RYR1: variants seen among roughly 807,000 people sequenced by gnomAD.
The protein encoded by RYR1 is central core disease of muscle.
A neutral mutation model predicts 583.5 loss-of-function variants in RYR1; 342 were observed. That is an observed-to-expected ratio of 0.59 (90% CI 0.54 to 0.64). The LOEUF is 0.64. Among genes scored for constraint, RYR1 ranks in the 30% least tolerant of loss-of-function variants. The pLI, the probability that RYR1 is intolerant of heterozygous loss-of-function variation, is 0.00. For synonymous variants in RYR1, 2,791 were observed against 2,822.5 expected (o/e 0.99, Z 0.35); for missense variants, 6,032 against 6,917.2 (o/e 0.87, Z 4.54).
At position 38,525,369 on chromosome 19, in the gene RYR1, G is replaced by A. The variant is rs529215921; in HGVS notation, c.10493G>A (p.Arg3498His). The A allele has an allele frequency of 2.9e-5, 47 of 1,613,844 alleles. No individual in the cohort carries two copies. The highest frequency in any genetic ancestry group is 9.4e-5 in the African/African-American group (7 of 74,836). ...GSDQERTKKK[R>H]RGDRYSVQTS... is the part of the protein sequence containing the mutation. ...GACCAGGAACGCACCAAGAAGAAGC[G>A]CCGGGGGGACCGGTACTCTGTGCAG... Residue 3498 changes from arginine (R) to histidine (H), a missense_variant, in exon 71 of 106, where the codon CGC becomes CAC. Around this residue, in one of 11 missense-constraint regions of RYR1, gnomAD observed 1,493 missense variants for 1,715.5 expected, o/e 0.87. Transcript: ENST00000359596.
In RYR1 at chr19:38,543,842, C is replaced by A; in HGVS notation, c.11979C>A (p.His3993Gln). The A allele has an allele frequency of 6.2e-7, 1 of 1,613,838 alleles. No homozygotes were observed. Among genetic ancestry groups the A allele is most frequent in the Non-Finnish European group, 8.5e-7 (1 of 1,180,014 alleles). ...GGGACGCAGTGGTGGGATTCCTGCA[C>A]GTGTTCGCCCACATGATGATGAAGC... ...RLWDAVVGFL[H>Q]VFAHMMMKLA... The change falls in exon 87 of 106, where the codon CAC (histidine) becomes CAA (glutamine). Residue 3993 changes from histidine to glutamine, a missense_variant. His to Gln is a conservative substitution (Grantham distance 24). Coordinates refer to ENST00000359596, the MANE Select transcript of RYR1 (RefSeq NM_000540.3). The surrounding 1 kb of genome is among the most constrained non-coding windows in gnomAD (Gnocchi z 4.4).
chr19:38,575,981 C>G lies in RYR1; in HGVS notation c.14172+20C>G. On this transcript the variant is annotated intron_variant, in intron 97 of 105. Coordinates refer to ENST00000359596, the MANE Select transcript of RYR1 (RefSeq NM_000540.3). ...CGCAAGGTGAGAGGACATGGATGCC[C>G]TGGGTCCTGGATTGGGTCCCTGCCT... The G allele has an allele frequency of 6.2e-7, 1 of 1,614,168 alleles. No homozygotes were observed.
At chr19:38,442,945 G>C (rs115367056) in intron 3 of RYR1, among the ~76,000 whole-genome samples, 1,728 of 152,266 alleles carry the variant, frequency 0.011, 30 homozygotes, top group African/African-American at 0.037. Context: ...GGTCCACCAT[G>C]TGATCACCTG....
intron 35 of RYR1, 123 bp downstream of exon 35, chr19:38,489,566 T>A: frequency 1.0e-6 from 1 of 993,704 alleles, no homozygotes; most frequent in Non-Finnish European, 1.6e-6. Flanking sequence ...CATATGGCAG[T>A]GAGCAATGCC....
At chr19:38,534,902 C>T (rs1307065197) in intron 79 of RYR1, 83 bp downstream of exon 79, 1 of 1,431,192 alleles carries the variant, frequency 7.0e-7, no homozygotes, top group Non-Finnish European at 9.6e-7. Flanking sequence ...CCCTGTGGAC[C>T]CATTTGCCGC....
chr19:38,486,631 G>A (rs773825930), intron 34 of RYR1, among the ~76,000 whole-genome samples: 7 of 152,006 alleles, frequency 4.6e-5, no homozygotes, highest in African/African-American at 7.3e-5. Flanking sequence ...GTGAGCCACC[G>A]CGTCCGGCCT....
chr19:38,538,750 GC>G (rs1972081303), intron 84 of RYR1: 1 of 152,186 alleles, frequency 6.6e-6, no homozygotes, highest in Admixed American at 6.5e-5. Flanking sequence ...CCTATCTTAA[GC>G]AAGAGTTTTG....
At chr19:38,557,886 A>G (rs1972949607) in intron 89 of RYR1, among the ~76,000 whole-genome samples, 1 of 152,170 alleles carries the variant, frequency 6.6e-6, no homozygotes, top group Non-Finnish European at 1.5e-5. Context: ...AGGCTGAGGC[A>G]GGAGAATCGC....
At chr19:38,577,419 C>G (rs1974007168) in intron 97 of RYR1, among the ~76,000 whole-genome samples, 1 of 152,116 alleles carries the variant, frequency 6.6e-6, no homozygotes, top group African/African-American at 2.4e-5. Context: ...CCGTGTTAAA[C>G]AAAACAGTGA....
In RYR1 at chr19:38,448,333, C is replaced by T. The variant is rs369888688; in HGVS notation, c.801-22C>T. 52 of 1,603,610 alleles carry T rather than the reference C, an allele frequency of 3.2e-5. 1 individual carries two copies. In the South Asian group the frequency reaches 3.8e-4, roughly 12 times the overall value. ...GAGAACTGGGGGGTCCTCTGACTCC[C>T]CTTGGCTCTCACCCTCCACAGCTGG... is the stretch of plus-strand genomic sequence containing the variant. On this transcript the variant is annotated intron_variant, in intron 9 of 105. Coordinates refer to ENST00000359596, the MANE Select transcript of RYR1 (RefSeq NM_000540.3).
chr19:38,535,030 C>T (rs1971905948), intron 79 of RYR1, 111 bp from the exon 80 acceptor site: 9 of 1,180,000 alleles, frequency 7.6e-6, no homozygotes, highest in Non-Finnish European at 1.1e-5. Context: ...CACACCTTGG[C>T]ACACTCTTAA....
At position 38,502,697 on chromosome 19, in the gene RYR1, T is replaced by A; in HGVS notation, c.7805T>A (p.Val2602Asp). ...GRSLTKAQRDVIEDCLMSLCR... is the reference protein window; with the variant it reads ...GRSLTKAQRDDIEDCLMSLCR... Reference sequence around the variant, plus strand: ...TCGCTCACCAAGGCGCAGCGTGACGTCATCGAGGACTGCCTCATGTCGCTC... The same window carrying A: ...TCGCTCACCAAGGCGCAGCGTGACGACATCGAGGACTGCCTCATGTCGCTC... The change falls in exon 48 of 106, where the codon GTC becomes GAC. Residue 2602 changes from valine to aspartate, a missense_variant. This residue lies in a region of RYR1 where 250 missense variants were observed against 162.3 expected (regional missense o/e 1.54). Coordinates refer to ENST00000359596, the MANE Select transcript of RYR1 (RefSeq NM_000540.3). 6.3e-7 allele frequency: 1 copy of A among 1,593,342 alleles called. No individual in the cohort carries two copies. Among genetic ancestry groups the A allele is most frequent in the South Asian group, 1.1e-5 (1 of 90,774 alleles).
chr19:38,541,150 T>C, intron 84 of RYR1, among the ~76,000 whole-genome samples: 1 of 152,330 alleles, frequency 6.6e-6, no homozygotes, highest in African/African-American at 2.4e-5. Context: ...AAAAGAGACT[T>C]AAGCCCAGGT....
intron 36 of RYR1, 48 bp from the exon 37 acceptor site, chr19:38,490,573 C>A: frequency 1.6e-6 from 2 of 1,220,920 alleles, no homozygotes; most frequent in South Asian, 1.2e-5. Flanking sequence ...CTCAGAGTTC[C>A]TGCTTTGGGA....
At chr19:38,581,888 G>A (rs79216186) in intron 101 of RYR1, among the ~76,000 whole-genome samples, 4 of 152,164 alleles carry the variant, frequency 2.6e-5, no homozygotes, top group South Asian at 2.1e-4. Flanking sequence ...GATTACAGAT[G>A]TGAGCAACTG....
chr19:38,568,217 T>G (rs999765768), intron 93 of RYR1, among the ~76,000 whole-genome samples: 6 of 152,106 alleles, frequency 3.9e-5, no homozygotes, highest in Non-Finnish European at 7.4e-5. Context: ...AGAGCTACAT[T>G]CAGTGAGGCC....
chr19:38,498,810 C>T (rs145060954), intron 42 of RYR1, among the ~76,000 whole-genome samples: 1 of 152,292 alleles, frequency 6.6e-6, no homozygotes, highest in African/African-American at 2.4e-5. Context: ...TTCTTTACTG[C>T]AGCCTATTTT....
In RYR1 at chr19:38,489,456, T is replaced by A; in HGVS notation, c.5814+13T>A. 6.2e-7 allele frequency: 1 copy of A among 1,613,898 alleles called. No individual in the cohort carries two copies. The highest frequency in any genetic ancestry group is 1.3e-5 in the African/African-American group (1 of 75,044). ...TGTGAAGTTACAGGTGGGCTGCTGC[T>A]TCCTGCTTTTCGGCCTCTGTCCATC... On this transcript the variant is annotated intron_variant, in intron 35 of 105. Transcript: ENST00000359596.
rs1568484835 is a variant in RYR1 at position 38,485,969 on chromosome 19, A to G, written c.5314A>G (p.Arg1772Gly). Residue 1772 changes from arginine (R) to glycine (G), a missense_variant, in exon 34 of 106, where the codon AGG becomes GGG. Arg to Gly is a moderately radical substitution (Grantham distance 125). Transcript: ENST00000359596. Reference protein sequence around the residue: ...LPGVGVTTSLRPPHHFSPPCF... With the variant: ...LPGVGVTTSLGPPHHFSPPCF... ...GGGAGTTGGAGTCACCACTTCGCTG[A>G]GGCCCCCGCATCATTTCTCGCCCCC... The G allele has an allele frequency of 1.2e-6, 2 of 1,613,554 alleles. No individual in the cohort carries two copies. Among genetic ancestry groups the G allele is most frequent in the Non-Finnish European group, 1.7e-6 (2 of 1,179,990 alleles).
Sources: gnomAD v4.1 joint callset for allele counts (sites outside exome capture counted in the v4.1 genomes callset) on GRCh38, gnomAD v4.1.1 for gene constraint, gnomAD v4.1.1 regional missense constraint, Gnocchi (gnomAD v3.1) non-coding constraint, MANE v1.5 for transcripts, NCBI Gene and HGNC (gene_info 2026-07-23, HGNC 2026-07-21) for gene names.